Variants in NXPH1 observed in about 807,000 individuals in gnomAD.
NXPH1 encodes neurexophilin-1.
NXPH1 carries 5 observed loss-of-function variants against 23.7 expected under a neutral mutation model. The ratio of observed to expected loss-of-function variants is 0.21; its 90% CI spans 0.11 to 0.44. The LOEUF (loss-of-function observed/expected upper bound fraction) is 0.44, where lower values mean the gene tolerates loss of function less well. Among genes scored for constraint, NXPH1 ranks in the 20% least tolerant of loss-of-function variants. The probability of loss-of-function intolerance (pLI) is 0.99; values close to 1 mark genes in which losing one functional copy is unlikely to be tolerated. For synonymous variants in NXPH1, 144 were observed against 122.2 expected (o/e 1.18, Z -1.18); for missense variants, 324 against 321.6 (o/e 1.01, Z -0.06).
At chr7:8,659,930 T>C (rs2882242) in intron 2 of NXPH1, among the ~76,000 whole-genome samples, 96,378 of 151,808 alleles carry the variant, frequency 0.63, 31,485 homozygotes, top group Middle Eastern at 0.76. Flanking sequence ...ATTGTGCAGA[T>C]AAACAATTTG....
At position 8,451,337 on chromosome 7, in the gene NXPH1, G is replaced by A. The variant is rs116344071; in HGVS notation, c.54+15570G>A. 4.5e-3 allele frequency among the ~76,000 whole-genome samples: 685 copies of A among 152,154 alleles called. 6 individuals carry two copies. Among genetic ancestry groups the A allele is most frequent in the African/African-American group, 0.015 (622 of 41,510 alleles). On this transcript the variant is annotated intron_variant, in intron 2 of 2. Coordinates refer to ENST00000405863, the MANE Select transcript of NXPH1 (RefSeq NM_152745.3). Reference sequence around the variant, plus strand: ...GTATTTAATTGTCATGATTTTGATCGCTAATGACTTTTGATTGCTTCTTCT... The same window carrying A: ...GTATTTAATTGTCATGATTTTGATCACTAATGACTTTTGATTGCTTCTTCT...
chr7:8,742,201 G>T (rs910232078), intron 2 of NXPH1, among the ~76,000 whole-genome samples: 5 of 152,062 alleles, frequency 3.3e-5, no homozygotes, highest in Admixed American at 6.5e-5. Context: ...ACACTTTTGG[G>T]TATGGATGAC....
chr7:8,557,995 C>G (rs989955242), intron 2 of NXPH1, among the ~76,000 whole-genome samples: 7 of 151,520 alleles, frequency 4.6e-5, no homozygotes, highest in African/African-American at 1.7e-4. Context: ...CCCGCACAGT[C>G]CTATCATAAA....
At chr7:8,485,294 C>T (rs1233721650) in intron 2 of NXPH1, among the ~76,000 whole-genome samples, 1 of 152,010 alleles carries the variant, frequency 6.6e-6, no homozygotes, top group African/African-American at 2.4e-5. Context: ...TGATTGTGAG[C>T]CCTCCCCAGA....
At chr7:8,637,925 A>G (rs1261819658) in intron 2 of NXPH1, among the ~76,000 whole-genome samples, 1 of 152,226 alleles carries the variant, frequency 6.6e-6, no homozygotes, top group African/African-American at 2.4e-5. Context: ...AAAAACATGC[A>G]CTGAATAAGC....
At chr7:8,604,926 A>G (rs565014735) in intron 2 of NXPH1, among the ~76,000 whole-genome samples, 1 of 152,258 alleles carries the variant, frequency 6.6e-6, no homozygotes, top group South Asian at 2.1e-4. Context: ...AATAATTTAT[A>G]TTATATGGAA....
chr7:8,504,679 C>T (rs942833432), intron 2 of NXPH1, among the ~76,000 whole-genome samples: 14 of 151,986 alleles, frequency 9.2e-5, no homozygotes, highest in African/African-American at 3.4e-4. Context: ...TCCTAACCCC[C>T]TAAAGTGATG....
intron 2 of NXPH1, among the ~76,000 whole-genome samples, chr7:8,477,618 G>A (rs1213862585): frequency 6.6e-6 from 1 of 151,802 alleles, no homozygotes; most frequent in Non-Finnish European, 1.5e-5. Flanking sequence ...CGTAATTCTA[G>A]ATTTAATGGC....
At chr7:8,740,000 G>C (rs527476198) in intron 2 of NXPH1, among the ~76,000 whole-genome samples, 2 of 152,286 alleles carry the variant, frequency 1.3e-5, no homozygotes, top group African/African-American at 4.8e-5. Flanking sequence ...GTGTGTGACT[G>C]TACCTCTAAA....
chr7:8,708,550 T>C (rs1425279299), intron 2 of NXPH1, among the ~76,000 whole-genome samples: 7 of 151,404 alleles, frequency 4.6e-5, no homozygotes. Context: ...TTAGTAGAGA[T>C]GGGGTTTCAT....
chr7:8,644,573 C>G (rs1278798958), intron 2 of NXPH1, among the ~76,000 whole-genome samples: 3 of 150,764 alleles, frequency 2.0e-5, no homozygotes, highest in Non-Finnish European at 4.4e-5. Flanking sequence ...TTATTTTAGA[C>G]TATTTTTTTT....
intron 2 of NXPH1, among the ~76,000 whole-genome samples, chr7:8,741,613 A>G (rs1368016535): frequency 2.6e-5 from 4 of 152,082 alleles, no homozygotes; most frequent in African/African-American, 9.7e-5. Context: ...GTGTGAGGTG[A>G]TATATCACTG....
At position 8,656,334 on chromosome 7, in the gene NXPH1, A is replaced by G. The variant is rs568179356; in HGVS notation, c.55-94674A>G. 3.9e-5 allele frequency among the ~76,000 whole-genome samples: 6 copies of G among 152,320 alleles called. No individual in the cohort carries two copies. In the East Asian group the frequency reaches 1.2e-3, roughly 29 times the overall value. ...GAATAATTAATAAAAGCTTTTTAAA[A>G]TTAAACCCTTAATATATGCTAGACA... On this transcript the variant is annotated intron_variant, in intron 2 of 2. Transcript: ENST00000405863.
At chr7:8,566,559 C>T (rs1382090023) in intron 2 of NXPH1, among the ~76,000 whole-genome samples, 6 of 151,824 alleles carry the variant, frequency 4.0e-5, no homozygotes, top group Middle Eastern at 3.4e-3. Context: ...GCAAATTGGT[C>T]TCTGTCTCTC....
chr7:8,710,153 T>C (rs375195263), intron 2 of NXPH1, among the ~76,000 whole-genome samples: 53 of 152,306 alleles, frequency 3.5e-4, no homozygotes, highest in African/African-American at 1.2e-3. Context: ...AAGAACAATT[T>C]TGTGACTTCG....
At chr7:8,438,798 C>T (rs867150558) in intron 2 of NXPH1, among the ~76,000 whole-genome samples, 1 of 152,090 alleles carries the variant, frequency 6.6e-6, no homozygotes, top group Non-Finnish European at 1.5e-5. Context: ...TTTCTGGGCC[C>T]GGGATTCTTT....
intron 2 of NXPH1, among the ~76,000 whole-genome samples, chr7:8,690,930 C>T (rs534056383): frequency 5.1e-4 from 78 of 152,210 alleles, no homozygotes; most frequent in African/African-American, 1.7e-3. Flanking sequence ...TGCTCCTTTG[C>T]CATTCATTCA....
chr7:8,545,500 C>T (rs980180675), intron 2 of NXPH1, among the ~76,000 whole-genome samples: 2 of 151,278 alleles, frequency 1.3e-5, no homozygotes, highest in South Asian at 2.1e-4. Flanking sequence ...GATTTTACTT[C>T]GAGGGCATAT....
At chr7:8,484,934 G>T (rs1817132916) in intron 2 of NXPH1, among the ~76,000 whole-genome samples, 1 of 152,168 alleles carries the variant, frequency 6.6e-6, no homozygotes, top group Non-Finnish European at 1.5e-5. Flanking sequence ...AGGTAATTGT[G>T]AGTCTGGAGC....
Sources: allele counts gnomAD v4.1 joint callset (sites outside exome capture counted in the v4.1 genomes callset), GRCh38; gene constraint gnomAD v4.1.1; transcripts MANE v1.5; gene names NCBI Gene and HGNC (gene_info 2026-07-23, HGNC 2026-07-21).